KCTD1: variants seen among roughly 807,000 people sequenced by gnomAD.
KCTD1 encodes BTB/POZ domain-containing protein KCTD1.
A neutral mutation model predicts 66.0 loss-of-function variants in KCTD1; 24 were observed. The observed-to-expected ratio is 0.36, with a 90% CI of 0.26 to 0.51. KCTD1 has a LOEUF of 0.51. Among genes scored for constraint, KCTD1 ranks in the 20% least tolerant of loss-of-function variants. KCTD1 has a pLI of 0.95. For missense variants in KCTD1, 943 were observed against 1,205.2 expected, an observed-to-expected ratio of 0.78 and a Z score of 3.22; for synonymous variants, 511 against 517.2, an observed-to-expected ratio of 0.99 and a Z score of 0.16.
At position 26,548,229 on chromosome 18, in the gene KCTD1, T is replaced by C; in HGVS notation, c.308A>G (p.Glu103Gly). ...EEEEMGLDWD[E>G]PLEPEDSAGE... is the part of the protein sequence containing the mutation. The stretch of plus-strand genomic sequence containing the variant: ...GGCCGAGTCCTCGGGCTCCAGGGGC[T>C]CGTCCCAGTCCAGCCCCATCTCCTC... Residue 103 changes from glutamate to glycine, a missense_variant, in exon 1 of 5, where the codon GAG becomes GGG. Transcript: ENST00000580059. 6.6e-7 allele frequency: 1 copy of C among 1,510,070 alleles called. No individual in the cohort carries two copies. Among genetic ancestry groups the C allele is most frequent in the Non-Finnish European group, 8.8e-7 (1 of 1,133,112 alleles). The allele number at this position is 1,510,070 out of a possible 1,614,324, so 93.5% of individuals were successfully genotyped here. A position where few individuals can be genotyped will look rare whatever the true frequency, so the allele number is the denominator to read the frequency against.
chr18:26,556,743 G>T (rs2144866930), intron 1 of KCTD1, among the ~76,000 whole-genome samples: 1 of 152,248 alleles, frequency 6.6e-6, no homozygotes, highest in Middle Eastern at 3.4e-3. Context: ...TAGAAACCCA[G>T]AGAGCTTCAA....
chr18:26,555,184 G>T (rs1465945128), intron 1 of KCTD1, among the ~76,000 whole-genome samples: 1 of 152,130 alleles, frequency 6.6e-6, no homozygotes, highest in Non-Finnish European at 1.5e-5. Flanking sequence ...TTCCTGAAAC[G>T]ATTTGCTGTT....
chr18:26,565,869 A>G (rs1041493504), intron 1 of KCTD1: 5 of 152,156 alleles, frequency 3.3e-5, no homozygotes, highest in South Asian at 2.1e-4. Flanking sequence ...TATTTTTGTT[A>G]TTATTGTGGG....
At chr18:26,643,766 T>C (rs181863807), upstream of KCTD1, among the ~76,000 whole-genome samples, 34 of 152,224 alleles carry the variant, frequency 2.2e-4, no homozygotes, top group Admixed American at 6.5e-4. Context: ...ATGGAGACCA[T>C]CCTGGCTAAC....
At chr18:26,656,639 G>C (rs1988150935) in intron 1 of KCTD1, among the ~76,000 whole-genome samples, 1 of 151,142 alleles carries the variant, frequency 6.6e-6, no homozygotes, top group East Asian at 2.0e-4. Context: ...CCGGGCCCCA[G>C]TCCGCTCGGC....
intron 1 of KCTD1, among the ~76,000 whole-genome samples, chr18:26,514,485 G>C (rs1047909660): frequency 6.6e-6 from 1 of 151,074 alleles, no homozygotes; most frequent in Non-Finnish European, 1.5e-5. Context: ...AGGAGTTTGA[G>C]GCTGCAGTGA....
At chr18:26,466,496 G>T (rs1980740624) in intron 3 of KCTD1, among the ~76,000 whole-genome samples, 1 of 152,190 alleles carries the variant, frequency 6.6e-6, no homozygotes, top group African/African-American at 2.4e-5. Flanking sequence ...AATGTCTGGA[G>T]ACACTCTTGG....
chr18:26,532,257 C>CTTTTTTTTT (rs757573584), intron 1 of KCTD1, among the ~76,000 whole-genome samples: 1 of 128,192 alleles, frequency 7.8e-6, no homozygotes, highest in African/African-American at 3.4e-5. Context: ...TCTTTTCTTT[C>CTTTTTTTTT]CTTCTTTTTT....
At position 26,474,555 on chromosome 18, in the gene KCTD1, C is replaced by G. The variant is rs1240549313; in HGVS notation, c.2133+1960G>C. Among the ~76,000 whole-genome samples the G allele has an allele frequency of 2.0e-5, 3 of 152,106 alleles. No individual in the cohort carries two copies. The East Asian group carries it at 5.8e-4, about 29-fold the overall frequency. ...TTATTTTTATTTGATACAAAAGAAACTGAATGTCTTTGCAAATGTTTATTG... is the reference window on the plus strand; with the variant it reads ...TTATTTTTATTTGATACAAAAGAAAGTGAATGTCTTTGCAAATGTTTATTG... On this transcript the variant is annotated intron_variant, in intron 3 of 4. Coordinates refer to ENST00000580059, the MANE Select transcript of KCTD1 (RefSeq NM_001142730.3).
At chr18:26,647,334 C>CCA (rs1555649521) in intron 1 of KCTD1, among the ~76,000 whole-genome samples, 1 of 112,922 alleles carries the variant, frequency 8.9e-6, no homozygotes, top group Admixed American at 8.7e-5. Flanking sequence ...TAGTGAAACC[C>CCA]CCCCCCCATC....
upstream of KCTD1, chr18:26,548,708 G>T (rs1200460674): frequency 1.2e-6 from 1 of 846,128 alleles, no homozygotes; most frequent in Non-Finnish European, 1.5e-6. Context: ...GCAGCGGCGC[G>T]CAGGGGATGG....
chr18:26,654,717 A>T (rs1386415943), intron 1 of KCTD1, among the ~76,000 whole-genome samples: 18 of 152,198 alleles, frequency 1.2e-4, no homozygotes, highest in Admixed American at 1.2e-3. Flanking sequence ...CTAATTAGAT[A>T]CCTTCTTCTT....
At chr18:26,621,223 T>C (rs974995117) in intron 1 of KCTD1, among the ~76,000 whole-genome samples, 1 of 152,148 alleles carries the variant, frequency 6.6e-6, no homozygotes, top group African/African-American at 2.4e-5. Flanking sequence ...TCTTTTTAAA[T>C]ATAAGGGTGC....
chr18:26,463,554 G>A, intron 3 of KCTD1, among the ~76,000 whole-genome samples: 1 of 129,518 alleles, frequency 7.7e-6, no homozygotes, highest in East Asian at 2.2e-4. Flanking sequence ...TTTTTTTTTT[G>A]AGATGGAGTT....
chr18:26,628,669 T>A (rs1375648371), intron 1 of KCTD1, among the ~76,000 whole-genome samples: 1 of 152,174 alleles, frequency 6.6e-6, no homozygotes, highest in East Asian at 1.9e-4. Flanking sequence ...AATTAAACCT[T>A]ACTCAACTTT....
At chr18:26,573,722 G>A (rs1208925141) in intron 1 of KCTD1, among the ~76,000 whole-genome samples, 1 of 152,178 alleles carries the variant, frequency 6.6e-6, no homozygotes, top group Non-Finnish European at 1.5e-5. Context: ...GTCTACATGT[G>A]TATGGTAGTT....
chr18:26,521,760 C>T (rs766161385), intron 1 of KCTD1, among the ~76,000 whole-genome samples: 1 of 152,152 alleles, frequency 6.6e-6, no homozygotes, highest in African/African-American at 2.4e-5. Flanking sequence ...AGAAAAGGTA[C>T]AGCTACAACT....
chr18:26,613,421 G>A (rs948125104), intron 1 of KCTD1, among the ~76,000 whole-genome samples: 2 of 152,148 alleles, frequency 1.3e-5, no homozygotes, highest in African/African-American at 4.8e-5. Context: ...CTGCTCATCT[G>A]GATTTTCTAT....
chr18:26,486,523 C>T (rs545706118), intron 2 of KCTD1, among the ~76,000 whole-genome samples: 1 of 152,330 alleles, frequency 6.6e-6, no homozygotes, highest in East Asian at 1.9e-4. Context: ...AGGACTGTTC[C>T]TATTCCTGGG....
Sources: gnomAD v4.1 joint callset for allele counts (sites outside exome capture counted in the v4.1 genomes callset) on GRCh38, gnomAD v4.1.1 for gene constraint, MANE v1.5 for transcripts, NCBI Gene and HGNC (gene_info 2026-07-23, HGNC 2026-07-21) for gene names.